NBAS: variants seen among roughly 807,000 people sequenced by gnomAD.
NBAS encodes the protein NBAS subunit of NRZ tethering complex, also known as NAG/BC035112 fusion.
A neutral mutation model predicts 302.5 loss-of-function variants in NBAS; 219 were observed. The ratio of observed to expected loss-of-function variants is 0.72; its 90% CI spans 0.65 to 0.81. The LOEUF (loss-of-function observed/expected upper bound fraction) is 0.81, where lower values mean the gene tolerates loss of function less well. Ranked by LOEUF, NBAS falls within the 30% of genes least tolerant of loss-of-function variation. NBAS has a pLI of 0.00. For missense variants in NBAS, 2,932 were observed against 2,841.6 expected, an observed-to-expected ratio of 1.03 and a Z score of -0.72; for synonymous variants, 1,118 against 1,021.6, an observed-to-expected ratio of 1.09 and a Z score of -1.80.
the NBAS span, among the ~76,000 whole-genome samples, chr2:14,814,949 C>T: frequency 2.4e-3 from 365 of 152,180 alleles, no homozygotes; most frequent in African/African-American, 8.0e-3. Flanking sequence ...GATAGAGCTC[C>T]CTCAAGTCTG....
At chr2:15,403,005 A>C (rs1676226491) in intron 25 of NBAS, among the ~76,000 whole-genome samples, 1 of 152,238 alleles carries the variant, frequency 6.6e-6, no homozygotes, top group South Asian at 2.1e-4. Flanking sequence ...TTCAAGGATT[A>C]AATTAATAAA....
chr2:14,786,720 C>T, the NBAS span, among the ~76,000 whole-genome samples: 1 of 152,122 alleles, frequency 6.6e-6, no homozygotes, highest in Non-Finnish European at 1.5e-5. Context: ...TTTCCATTTG[C>T]TGAGGAGAGC....
intron 21 of NBAS, among the ~76,000 whole-genome samples, chr2:15,452,436 A>C (rs1443770701): frequency 1.3e-5 from 2 of 151,446 alleles, no homozygotes; most frequent in Non-Finnish European, 2.9e-5. Context: ...TCTACTAAAA[A>C]AATTAGTCGG....
the NBAS span, among the ~76,000 whole-genome samples, chr2:15,080,765 T>C: frequency 0.11 from 16,581 of 152,252 alleles, 2,377 homozygotes; most frequent in African/African-American, 0.32. Context: ...GGAGTCCACC[T>C]GTGACCTTTC....
At chr2:14,990,224 C>T in the NBAS span, among the ~76,000 whole-genome samples, 2 of 144,158 alleles carry the variant, frequency 1.4e-5, no homozygotes, top group African/African-American at 5.2e-5. Context: ...AGAAGCCTGG[C>T]TGACATGGTG....
intron 8 of NBAS, among the ~76,000 whole-genome samples, chr2:15,535,241 G>A (rs1663429298): frequency 6.6e-6 from 1 of 152,110 alleles, no homozygotes; most frequent in Admixed American, 6.6e-5. Flanking sequence ...GGCATAGTAG[G>A]CCAGGCGCAG....
At chr2:14,810,198 C>A in the NBAS span, among the ~76,000 whole-genome samples, 1 of 152,124 alleles carries the variant, frequency 6.6e-6, no homozygotes, top group Non-Finnish European at 1.5e-5. Context: ...GTTGGGAAGG[C>A]ACAATTGGTT....
At chr2:15,538,220 C>T in intron 7 of NBAS, 2 of 224,658 alleles carry the variant, frequency 8.9e-6, no homozygotes, top group East Asian at 8.9e-5. Context: ...TATATGTGAC[C>T]AAATATAAAA....
the NBAS span, among the ~76,000 whole-genome samples, chr2:15,017,913 G>A: frequency 1.3e-5 from 2 of 151,954 alleles, no homozygotes; most frequent in Admixed American, 6.6e-5. Context: ...ATAGATGAAT[G>A]GATAAAGAAA....
chr2:15,133,532 A>G, the NBAS span, among the ~76,000 whole-genome samples: 15 of 152,342 alleles, frequency 9.8e-5, no homozygotes, highest in African/African-American at 3.4e-4. Context: ...ACCACAGCAT[A>G]TATGTCCAGT....
chr2:14,800,883 T>C, the NBAS span, among the ~76,000 whole-genome samples: 2 of 143,646 alleles, frequency 1.4e-5, no homozygotes, highest in African/African-American at 2.6e-5. Flanking sequence ...TCTGGTATCA[T>C]TTCCTTTGTG....
At chr2:14,874,797 T>A in the NBAS span, among the ~76,000 whole-genome samples, 1 of 147,988 alleles carries the variant, frequency 6.8e-6, no homozygotes, top group Non-Finnish European at 1.5e-5. Context: ...TTTCAAAGAA[T>A]AATAGGTCAT....
chr2:15,041,478 C>T, the NBAS span, among the ~76,000 whole-genome samples: 3 of 152,176 alleles, frequency 2.0e-5, no homozygotes, highest in South Asian at 6.2e-4. Flanking sequence ...TGGCAGGATC[C>T]CATTCTGTAG....
At chr2:15,153,757 A>C in the NBAS span, among the ~76,000 whole-genome samples, 27 of 152,346 alleles carry the variant, frequency 1.8e-4, no homozygotes, top group East Asian at 4.8e-3. Context: ...GACCTTGGAA[A>C]ATTCACTTAT....
the NBAS span, among the ~76,000 whole-genome samples, chr2:15,031,135 T>C: frequency 6.6e-6 from 1 of 152,216 alleles, no homozygotes; most frequent in Admixed American, 6.5e-5. Context: ...ATGCCAATCA[T>C]TGGCTGTCAA....
chr2:15,295,780 T>C (rs1295242904), intron 40 of NBAS, among the ~76,000 whole-genome samples: 1 of 152,150 alleles, frequency 6.6e-6, no homozygotes, highest in Non-Finnish European at 1.5e-5. Context: ...GGGGAGCAGA[T>C]TGGACTGGCT....
the NBAS span, among the ~76,000 whole-genome samples, chr2:15,025,096 AT>A: frequency 6.6e-6 from 1 of 152,066 alleles, no homozygotes; most frequent in Non-Finnish European, 1.5e-5. Context: ...ATAGTTTTAG[AT>A]TTTGCATTTA....
chr2:15,499,828 T>C (rs577058989), intron 11 of NBAS, among the ~76,000 whole-genome samples: 43 of 152,344 alleles, frequency 2.8e-4, no homozygotes, highest in African/African-American at 1.0e-3. Context: ...TTAAAACGTT[T>C]TGAGAAGGCA....
At chr2:14,910,542 G>C in the NBAS span, among the ~76,000 whole-genome samples, 5 of 152,344 alleles carry the variant, frequency 3.3e-5, no homozygotes, top group East Asian at 3.9e-4. Context: ...GAGCTAAGGA[G>C]ACAAGAGGTA....
Sources: gnomAD v4.1 joint callset for allele counts (sites outside exome capture counted in the v4.1 genomes callset) on GRCh38, gnomAD v4.1.1 for gene constraint, MANE v1.5 for transcripts, NCBI Gene and HGNC (gene_info 2026-07-23, HGNC 2026-07-21) for gene names.